ZNF717: variants seen among roughly 807,000 people sequenced by gnomAD.
ZNF717 encodes the protein krueppel-like factor X17.
A neutral mutation model predicts 13.8 loss-of-function variants in ZNF717; 9 were observed. The observed-to-expected ratio is 0.65, with a 90% CI of 0.39 to 1.14. The LOEUF (loss-of-function observed/expected upper bound fraction) is 1.14. Ranked by LOEUF, ZNF717 falls within the 50% of genes most tolerant of loss-of-function variation. The pLI is 0.01. For missense variants in ZNF717, 1,040 were observed against 1,080.7 expected, an observed-to-expected ratio of 0.96 and a Z score of 0.53; for synonymous variants, 327 against 364.1, an observed-to-expected ratio of 0.90 and a Z score of 1.16.
chr3:75,782,202 G>A (rs1158949222), intron 2 of ZNF717, among the ~76,000 whole-genome samples: 3 of 152,152 alleles, frequency 2.0e-5, no homozygotes, highest in East Asian at 3.9e-4. Flanking sequence ...GGTGAGTTTA[G>A]AAGAAATAAG....
chr3:75,743,395 CAAAAGGGTGAATATACTTAATT>C (rs1302622036), intron 2 of ZNF717, among the ~76,000 whole-genome samples: 5 of 152,274 alleles, frequency 3.3e-5, no homozygotes, highest in Admixed American at 3.3e-4. Context: ...CCCATGGATA[CAAAAGGGTGAATATACTTAATT>C]AAAAGCATAT....
intron 2 of ZNF717, among the ~76,000 whole-genome samples, chr3:75,759,016 G>C (rs935688172): frequency 7.9e-5 from 12 of 152,232 alleles, no homozygotes; most frequent in Admixed American, 7.9e-4. Context: ...TGAAGGCTCA[G>C]ATGACTGTTA....
downstream of ZNF717, among the ~76,000 whole-genome samples, chr3:75,727,655 G>C (rs1473062003): frequency 2.0e-5 from 3 of 152,236 alleles, no homozygotes; most frequent in Non-Finnish European, 4.4e-5. Flanking sequence ...AGTCAGACTG[G>C]TTCTCTGCTC....
At chr3:75,706,927 G>T (rs1275164281), downstream of ZNF717, among the ~76,000 whole-genome samples, 1 of 152,426 alleles carries the variant, frequency 6.6e-6, no homozygotes, top group Non-Finnish European at 1.5e-5. Flanking sequence ...CTTCTCACCT[G>T]CCTTTTTAGT....
At chr3:75,782,611 T>C (rs200013656) in intron 2 of ZNF717, among the ~76,000 whole-genome samples, 1 of 150,736 alleles carries the variant, frequency 6.6e-6, no homozygotes, top group Non-Finnish European at 1.5e-5. Context: ...GCATACCTTA[T>C]GATGGAAGCT....
At chr3:75,728,922 C>T (rs1179478765), downstream of ZNF717, among the ~76,000 whole-genome samples, 20 of 149,802 alleles carry the variant, frequency 1.3e-4, no homozygotes, top group African/African-American at 4.9e-4. Context: ...GTCAGGTGGG[C>T]AGAGGGGTGA....
At chr3:75,715,542 C>T (rs1240887347) in intron 5 of ZNF717, among the ~76,000 whole-genome samples, 1 of 152,200 alleles carries the variant, frequency 6.6e-6, no homozygotes, top group African/African-American at 2.4e-5. Context: ...ATTAAGTATT[C>T]TGTCATTGTA....
chr3:75,766,885 T>A (rs1399392205), intron 2 of ZNF717, among the ~76,000 whole-genome samples: 1 of 152,252 alleles, frequency 6.6e-6, no homozygotes, highest in African/African-American at 2.4e-5. Flanking sequence ...TGAAACACCC[T>A]GTGAGTCAAA....
At chr3:75,755,163 T>G (rs906551839) in intron 2 of ZNF717, among the ~76,000 whole-genome samples, 2 of 152,204 alleles carry the variant, frequency 1.3e-5, no homozygotes, top group Non-Finnish European at 2.9e-5. Context: ...AAGAAACTTG[T>G]TGCCAGGAGA....
chr3:75,729,704 C>T (rs1938406375), downstream of ZNF717, among the ~76,000 whole-genome samples: 7 of 150,886 alleles, frequency 4.6e-5, no homozygotes, highest in African/African-American at 1.7e-4. Context: ...TCTTAAAGCA[C>T]ACCAGAAATT....
At chr3:75,769,347 C>T (rs953369042) in intron 2 of ZNF717, among the ~76,000 whole-genome samples, 10 of 151,936 alleles carry the variant, frequency 6.6e-5, no homozygotes, top group Non-Finnish European at 1.0e-4. Flanking sequence ...CTCCACGTCC[C>T]CAGCCACTAG....
chr3:75,779,834 C>T (rs1157425439), intron 2 of ZNF717, among the ~76,000 whole-genome samples: 14 of 151,548 alleles, frequency 9.2e-5, no homozygotes, highest in Non-Finnish European at 2.1e-4. Flanking sequence ...AACCAGAAAC[C>T]CAAAACAATG....
intron 2 of ZNF717, among the ~76,000 whole-genome samples, chr3:75,751,875 G>GCGCCTGTT (rs1941858383): frequency 6.7e-6 from 1 of 150,108 alleles, no homozygotes; most frequent in Non-Finnish European, 1.5e-5. Context: ...ACACTACTAC[G>GCGCCTGTT]ATGGTATGAA....
chr3:75,775,549 C>G (rs1944244324), intron 2 of ZNF717, among the ~76,000 whole-genome samples: 1 of 152,124 alleles, frequency 6.6e-6, no homozygotes, highest in Non-Finnish European at 1.5e-5. Context: ...AAGAATTGGA[C>G]TGGTTAAGAA....
At chr3:75,779,551 G>A (rs1944637308) in intron 2 of ZNF717, among the ~76,000 whole-genome samples, 2 of 148,944 alleles carry the variant, frequency 1.3e-5, no homozygotes, top group Admixed American at 7.3e-5. Flanking sequence ...TGCTAAACCA[G>A]AAACCCAAAA....
intron 5 of ZNF717, among the ~76,000 whole-genome samples, chr3:75,716,163 T>C (rs1938046809): frequency 6.7e-6 from 1 of 148,384 alleles, no homozygotes; most frequent in Non-Finnish European, 1.5e-5. Context: ...TGTATTTTAA[T>C]AGAGACGAGG....
At chr3:75,705,009 C>T (rs1575712790), downstream of ZNF717, among the ~76,000 whole-genome samples, 2 of 152,244 alleles carry the variant, frequency 1.3e-5, no homozygotes, top group East Asian at 3.9e-4. Flanking sequence ...TTAGTGGCAG[C>T]ATCTTTTATG....
chr3:75,779,763 C>T (rs1490579539), intron 2 of ZNF717, among the ~76,000 whole-genome samples: 3 of 148,766 alleles, frequency 2.0e-5, no homozygotes, highest in Non-Finnish European at 3.0e-5. Flanking sequence ...AAACCAGAAA[C>T]CCAAAACAAT....
At position 75,741,360 on chromosome 3, in the gene ZNF717, T is replaced by G. The variant is rs1376894807; in HGVS notation, c.193A>C (p.Ile65Leu). 2.6e-6 allele frequency: 4 copies of G among 1,537,544 alleles called. No homozygotes were observed. Among genetic ancestry groups the G allele is most frequent in the Non-Finnish European group, 2.6e-6 (3 of 1,134,442 alleles). ...YSSLVSLGHYITKPEMIFKLE... is the reference protein window; with the variant it reads ...YSSLVSLGHYLTKPEMIFKLE... ...TTGAAGATCATCTCAGGTTTGGTAA[T>G]GTAATGCCCTGGTAATGAGAAACAA... The change falls in exon 4 of 5, where the codon ATT (isoleucine) becomes CTT (leucine). Residue 65 changes from isoleucine to leucine, a missense_variant. Physicochemically the swap from Ile to Leu is conservative, Grantham distance 5. Transcript: ENST00000652011.
Sources: allele counts gnomAD v4.1 joint callset (sites outside exome capture counted in the v4.1 genomes callset), GRCh38; gene constraint gnomAD v4.1.1; transcripts MANE v1.5; gene names NCBI Gene and HGNC (gene_info 2026-07-23, HGNC 2026-07-21).